The following ARL10 variants were observed in gnomAD, a reference collection of about 807,000 sequenced individuals.
ARL10 encodes the protein ADP-ribosylation factor-like protein 10.
In ARL10, 23 loss-of-function variants were observed where a neutral mutation model predicts 26.1. The observed-to-expected ratio is 0.88, with a 90% CI of 0.63 to 1.25. The LOEUF (loss-of-function observed/expected upper bound fraction) is 1.25. Among genes scored for constraint, ARL10 ranks in the 50% most tolerant of loss-of-function variants. The probability of loss-of-function intolerance (pLI) is 0.00; values close to 1 mark genes in which losing one functional copy is unlikely to be tolerated. For synonymous variants in ARL10, 138 were observed against 149.1 expected (o/e 0.93, Z 0.54); for missense variants, 300 against 323.6 (o/e 0.93, Z 0.56).
intron 1 of ARL10, among the ~76,000 whole-genome samples, chr5:176,399,440 T>A (rs768225821): frequency 1.3e-5 from 2 of 152,162 alleles, no homozygotes; most frequent in Non-Finnish European, 2.9e-5. Flanking sequence ...CTGACTTTTG[T>A]TTTCTCATTT....
At chr5:176,396,485 C>T in intron 1 of ARL10, 1 of 1,613,832 alleles carries the variant, frequency 6.2e-7, no homozygotes, top group South Asian at 1.1e-5. Flanking sequence ...GTACACGTAG[C>T]CGATGATATC....
At chr5:176,409,942 G>C in the ARL10 span, among the ~76,000 whole-genome samples, 1 of 152,200 alleles carries the variant, frequency 6.6e-6, no homozygotes, top group Non-Finnish European at 1.5e-5. Context: ...CCCGTCAGTG[G>C]TGAGGGAAGG....
chr5:176,365,995 C>T (rs1346962503), intron 1 of ARL10, among the ~76,000 whole-genome samples: 4 of 152,156 alleles, frequency 2.6e-5, no homozygotes, highest in East Asian at 1.9e-4. Context: ...CCATGAGGCT[C>T]GGGTGTTCCA....
At chr5:176,389,614 G>A, downstream of ARL10, 3 of 1,125,296 alleles carry the variant, frequency 2.7e-6, no homozygotes, top group Non-Finnish European at 3.7e-6. Flanking sequence ...TGTGTCGCTG[G>A]GGAGGAAGTG....
downstream of ARL10, chr5:176,386,509 G>A (rs928349341): frequency 7.2e-5 from 28 of 390,836 alleles, 1 homozygote; most frequent in African/African-American, 4.3e-4. Flanking sequence ...TTGAGATGGT[G>A]GAATCCCTAA....
At chr5:176,371,154 C>A (rs1768516144) in intron 3 of ARL10, among the ~76,000 whole-genome samples, 1 of 152,190 alleles carries the variant, frequency 6.6e-6, no homozygotes, top group South Asian at 2.1e-4. Context: ...GCAGGTGGAT[C>A]ACCTGAGGTC....
In ARL10 at chr5:176,373,207, G is replaced by C. The variant is rs1561774944; in HGVS notation, c.*1312G>C. On this transcript the variant is annotated 3_prime_UTR_variant, in exon 4 of 4. Coordinates refer to ENST00000310389, the MANE Select transcript of ARL10 (RefSeq NM_173664.6). The stretch of plus-strand genomic sequence containing the variant: ...CAGACCAGCCAACGGGATGGCCTTG[G>C]GTACATCACTCAGCCTTTCTGGACC... 2 of 395,934 alleles carry C rather than the reference G, an allele frequency of 5.1e-6. No individual in the cohort carries two copies. Among genetic ancestry groups the C allele is most frequent in the Non-Finnish European group, 8.9e-6 (2 of 224,916 alleles). The allele number at this position is 395,934 out of a possible 1,614,324, so 24.5% of individuals were successfully genotyped here.
chr5:176,408,262 G>A, the ARL10 span, among the ~76,000 whole-genome samples: 1 of 151,380 alleles, frequency 6.6e-6, no homozygotes, highest in Non-Finnish European at 1.5e-5. Flanking sequence ...TGCCGGGCAC[G>A]GTGGCTCGTG....
In ARL10 at chr5:176,368,022, G is replaced by T. The variant is rs1365769955; in HGVS notation, c.386-785G>T. The stretch of plus-strand genomic sequence containing the variant: ...GTGCCTGCTATGTGCCAGGCATTGT[G>T]CTGAGGGCTTTGTGGGGATTCAGAG... On this transcript the variant is annotated intron_variant, in intron 2 of 3. Transcript: ENST00000310389. This position sits in a 1 kb window ranked among gnomAD's most constrained non-coding sequence, Gnocchi z 4.1. 7.7e-6 allele frequency: 4 copies of T among 520,916 alleles called. No homozygotes were observed. Among genetic ancestry groups the T allele is most frequent in the Non-Finnish European group, 1.6e-5 (4 of 257,942 alleles). The allele number at this position is 520,916 out of a possible 1,614,324, so 32.3% of individuals were successfully genotyped here.
At chr5:176,400,922 G>A (rs138472596) in intron 1 of ARL10, among the ~76,000 whole-genome samples, 1 of 152,180 alleles carries the variant, frequency 6.6e-6, no homozygotes, top group Non-Finnish European at 1.5e-5. Flanking sequence ...CACATAGATG[G>A]AACATCAGGG....
chr5:176,405,504 AAAAAGAAAAAG>A (rs1757062301), downstream of ARL10: 1 of 149,628 alleles, frequency 6.7e-6, no homozygotes, highest in East Asian at 1.9e-4. Flanking sequence ...AAAAAAAAAA[AAAAAGAAAAAG>A]AAAAAGAAAA....
At chr5:176,387,647 C>G (rs1343668310) in intron 1 of ARL10, among the ~76,000 whole-genome samples, 1 of 152,184 alleles carries the variant, frequency 6.6e-6, no homozygotes, top group Non-Finnish European at 1.5e-5. Flanking sequence ...TTTTGGGAAC[C>G]TGGATTCTTT....
Position 176,379,278 on chromosome 5 carries a change from C to T in ARL10, c.*7383C>T, listed in dbSNP as rs1183851361. The T allele has an allele frequency of 6.6e-6, 1 of 152,160 alleles. No individual in the cohort carries two copies. The highest frequency in any genetic ancestry group is 1.5e-5 in the Non-Finnish European group (1 of 68,050). The allele number at this position is 152,160 out of a possible 1,614,324, so 9.4% of individuals were successfully genotyped here. ...CCGCCTCCCAGGTTCAAGTGATTCT[C>T]CTGCATAAGCCTCCCGAGTAGCTGG... is the stretch of plus-strand genomic sequence containing the variant. On this transcript the variant is annotated 3_prime_UTR_variant, in exon 4 of 4. Transcript: ENST00000310389.
chr5:176,371,773 C>G lies in ARL10; in HGVS notation c.613C>G (p.Gln205Glu), dbSNP rs1390698164. 1 of 1,614,142 alleles carries G rather than the reference C, an allele frequency of 6.2e-7. No homozygotes were observed. Among genetic ancestry groups the G allele is most frequent in the African/African-American group, 1.3e-5 (1 of 74,950 alleles). The change falls in exon 4 of 4, where the codon CAG becomes GAG. Residue 205 changes from glutamine to glutamate, a missense_variant. Physicochemically the swap from Gln to Glu is conservative, Grantham distance 29. Coordinates refer to ENST00000310389, the MANE Select transcript of ARL10 (RefSeq NM_173664.6). ...MGELQRELGL[Q>E]AIDNQREVFL... Reference sequence around the variant, plus strand: ...GGAGCTGCAGCGGGAGCTGGGTCTACAGGCTATCGATAACCAGCGGGAGGT... The same window carrying G: ...GGAGCTGCAGCGGGAGCTGGGTCTAGAGGCTATCGATAACCAGCGGGAGGT...
Position 176,368,915 on chromosome 5 carries a change from G to A in ARL10, c.494G>A (p.Arg165Gln), listed in dbSNP as rs753385547. The change falls in exon 3 of 4, where the codon CGA becomes CAA. Residue 165 changes from arginine (R) to glutamine (Q), a missense_variant. Transcript: ENST00000310389. This position sits in a 1 kb window ranked among gnomAD's most constrained non-coding sequence, Gnocchi z 4.1. The part of the protein sequence containing the change: ...SADRLRLPWA[R>Q]QELHKLLDKD... ...GACCGACTGCGGCTGCCCTGGGCCCGACAGGAGCTGCACAAGCTGCTGGAC... is the reference window on the plus strand; with the variant it reads ...GACCGACTGCGGCTGCCCTGGGCCCAACAGGAGCTGCACAAGCTGCTGGAC... The A allele has an allele frequency of 5.0e-6, 8 of 1,613,940 alleles. No individual in the cohort carries two copies. The highest frequency in any genetic ancestry group is 3.3e-5 in the Admixed American group (2 of 60,008).
At chr5:176,410,277 C>G in the ARL10 span, 2 of 1,613,950 alleles carry the variant, frequency 1.2e-6, no homozygotes, top group Admixed American at 3.3e-5. Context: ...TCTCCATTGA[C>G]TGTGGTCCCC....
intron 1 of ARL10, among the ~76,000 whole-genome samples, chr5:176,399,480 G>A (rs1581429739): frequency 1.3e-5 from 2 of 152,202 alleles, no homozygotes; most frequent in African/African-American, 4.8e-5. Context: ...GGTAGCTCAT[G>A]CCTATAATCC....
At chr5:176,412,174 C>CAAAAA in the ARL10 span, among the ~76,000 whole-genome samples, 1 of 82,392 alleles carries the variant, frequency 1.2e-5, no homozygotes, top group African/African-American at 4.7e-5. Context: ...AGACTCATCT[C>CAAAAA]AAAAAAAAAA....
intron 3 of ARL10, among the ~76,000 whole-genome samples, chr5:176,369,958 CAAA>C (rs34183741): frequency 2.9e-5 from 4 of 136,200 alleles, no homozygotes; most frequent in Admixed American, 7.5e-5. Context: ...GACCCTATCT[CAAA>C]AAAAAAAAAA....
Sources: allele counts gnomAD v4.1 joint callset (sites outside exome capture counted in the v4.1 genomes callset), GRCh38; gene constraint gnomAD v4.1.1; non-coding constraint Gnocchi (gnomAD v3.1); transcripts MANE v1.5; gene names NCBI Gene and HGNC (gene_info 2026-07-23, HGNC 2026-07-21).